The following USP54 variants were observed in gnomAD, a reference collection of about 807,000 sequenced individuals.
USP54 encodes ubiquitin specific peptidase 54, also known as ubiquitin carboxyl-terminal hydrolase 54.
In USP54, 87 loss-of-function variants were observed where a neutral mutation model predicts 170.5. The ratio of observed to expected loss-of-function variants is 0.51; its 90% CI spans 0.43 to 0.61. The LOEUF is 0.61. Among genes scored for constraint, USP54 ranks in the 20% least tolerant of loss-of-function variants. The pLI, the probability that USP54 is intolerant of heterozygous loss-of-function variation, is 0.00. For missense variants in USP54, 1,786 were observed against 2,047.8 expected (o/e 0.87, Z 2.47); for synonymous variants, 655 against 742.8 (o/e 0.88, Z 1.92).
chr10:73,589,843 G>A (rs184596326), intron 1 of USP54, among the ~76,000 whole-genome samples: 1 of 152,256 alleles, frequency 6.6e-6, no homozygotes, highest in Non-Finnish European at 1.5e-5. Flanking sequence ...GATTTCCTCT[G>A]TAGGGGCAGG....
At chr10:73,607,292 T>A (rs1195996029) in intron 1 of USP54, among the ~76,000 whole-genome samples, 1 of 148,938 alleles carries the variant, frequency 6.7e-6, no homozygotes, top group East Asian at 2.0e-4. Context: ...GAGACCTGGT[T>A]TCCACAAAAT....
At chr10:73,530,630 C>A (rs2133399720) in intron 13 of USP54, 74 bp downstream of exon 13, 2 of 1,587,292 alleles carry the variant, frequency 1.3e-6, no homozygotes, top group Non-Finnish European at 1.7e-6. Flanking sequence ...AAAGGAGAAG[C>A]CAACAGTCTG....
Position 73,517,303 on chromosome 10 carries a change from T to A in USP54, c.3123A>T (p.Gly1041=), listed in dbSNP as rs752684234. The A allele has an allele frequency of 1.9e-6, 3 of 1,612,994 alleles. No homozygotes were observed. Among genetic ancestry groups the A allele is most frequent in the Non-Finnish European group, 2.5e-6 (3 of 1,179,432 alleles). Residue 1041 remains glycine (G), a synonymous_variant, in exon 20 of 24, where the codon GGA becomes GGT. Coordinates refer to ENST00000687698, the MANE Select transcript of USP54 (RefSeq NM_001391956.1). ...CATCACCCCTCTCAGAGGTGGCTAT[T>A]CCAGGCATCACCGGGGAGGGGTTAG... ...DPANPSPVMP[G]IATSERGDEH...
intron 1 of USP54, among the ~76,000 whole-genome samples, chr10:73,616,286 C>A (rs112914690): frequency 7.6e-6 from 1 of 131,702 alleles, no homozygotes; most frequent in Admixed American, 8.6e-5. Context: ...TGCAGTGAGC[C>A]GAGATTGCGC....
rs1469612970 is a variant in USP54, at chr10:73,516,435, G to T, written c.3991C>A (p.Gln1331Lys). Reference sequence around the variant, plus strand: ...TGCCCCCATCCAGAACAGCCAGCTTGAGAAGCCTGAAGACTGGCCTGATAC... The same window carrying T: ...TGCCCCCATCCAGAACAGCCAGCTTTAGAAGCCTGAAGACTGGCCTGATAC... ...SLYQASLQAS[Q>K]AGCSGWGQQD... Residue 1331 changes from glutamine to lysine, a missense_variant, in exon 20 of 24, where the codon CAA becomes AAA. Transcript: ENST00000687698. 6.2e-7 allele frequency: 1 copy of T among 1,613,962 alleles called. No individual in the cohort carries two copies. The highest frequency in any genetic ancestry group is 1.7e-5 in the Admixed American group (1 of 59,994).
In USP54 at chr10:73,579,912, C is replaced by T. The variant is rs753886880; in HGVS notation, c.-581-3551G>A. On this transcript the variant is annotated intron_variant, in intron 1 of 23. Coordinates refer to ENST00000687698, the MANE Select transcript of USP54 (RefSeq NM_001391956.1). ...GCCATGAGGGAAATGGAAATTAAAA[C>T]TACACTATACACCTATTAGAATAGT... Among the ~76,000 whole-genome samples the T allele has an allele frequency of 7.1e-4, 108 of 152,236 alleles. 2 individuals are homozygous for T. Among genetic ancestry groups the T allele is most frequent in the Admixed American group, 1.0e-3 (16 of 15,276 alleles).
chr10:73,519,337 C>G (rs1589962317), intron 19 of USP54: 1 of 176,548 alleles, frequency 5.7e-6, no homozygotes, highest in East Asian at 1.4e-4. Flanking sequence ...CATAAAGAAG[C>G]AAAGCAAAGG....
At position 73,620,312 on chromosome 10, in the gene USP54, C is replaced by CA. The variant is rs757270815; in HGVS notation, c.-18+5254dup. Among the ~76,000 whole-genome samples, 236 of 118,030 alleles carry CA rather than the reference C, an allele frequency of 2.0e-3. 9 individuals carry two copies. The highest frequency in any genetic ancestry group is 4.0e-3 in the Middle Eastern group (1 of 248). The allele number at this position is 118,030 out of a possible 152,430, so 77.4% of individuals were successfully genotyped here. A position where few individuals can be genotyped will look rare whatever the true frequency, so the allele number is the denominator to read the frequency against. On this transcript the variant is annotated intron_variant, in intron 1 of 22. Transcript: ENST00000339859. ...TGGGCGACAGAGCGAGACTCCATCT[C>CA]AAAAAAAAAAAAGAAAGAAAGAAAA...
chr10:73,514,118 AT>A (rs1245498969), intron 20 of USP54, among the ~76,000 whole-genome samples: 3 of 151,906 alleles, frequency 2.0e-5, no homozygotes, highest in Admixed American at 2.0e-4. Context: ...TGCCCAGCTA[AT>A]TTTTTTGTGT....
intron 1 of USP54, among the ~76,000 whole-genome samples, chr10:73,590,795 C>T (rs2078156623): frequency 6.6e-6 from 1 of 152,080 alleles, no homozygotes; most frequent in African/African-American, 2.4e-5. Context: ...CACTATTCTG[C>T]TGATAGGAAA....
Position 73,558,931 on chromosome 10 carries a change from A to T in USP54, c.240+12490T>A, listed in dbSNP as rs1042956077. Among the ~76,000 whole-genome samples, 54 of 152,176 alleles carry T rather than the reference A, an allele frequency of 3.5e-4. 1 individual carries two copies. Among genetic ancestry groups the T allele is most frequent in the East Asian group, 1.9e-4 (1 of 5,186 alleles). On this transcript the variant is annotated intron_variant, in intron 4 of 23. Coordinates refer to ENST00000687698, the MANE Select transcript of USP54 (RefSeq NM_001391956.1). ...GCATTTGTGACATAACTTTTTCTTAATTTTTTTGATATTTCTAGGCTACAT... is the reference window on the plus strand; with the variant it reads ...GCATTTGTGACATAACTTTTTCTTATTTTTTTTGATATTTCTAGGCTACAT...
rs549629104 is a variant in USP54 at position 73,548,479 on chromosome 10, C to T, written c.241-2807G>A. The stretch of plus-strand genomic sequence containing the variant: ...ACAATAGCAAAGACTTGGAACCAAA[C>T]CAAATGTCCATCAATGACAGACTGG... On this transcript the variant is annotated intron_variant, in intron 4 of 23. Coordinates refer to ENST00000687698, the MANE Select transcript of USP54 (RefSeq NM_001391956.1). Among the ~76,000 whole-genome samples the T allele has an allele frequency of 3.3e-5, 5 of 152,238 alleles. No homozygotes were observed. The East Asian group carries it at 9.6e-4, about 29-fold the overall frequency.
chr10:73,517,670 G>A lies in USP54; in HGVS notation c.2756C>T (p.Ala919Val), dbSNP rs2061263937. ...LESGMDTEFG[A>V]SSFFHSPASC... ...AGCAGGTGAATGGAAGAAAGAACTGGCCCCAAACTCTGTATCCATGCCGGA... is the reference window on the plus strand; with the variant it reads ...AGCAGGTGAATGGAAGAAAGAACTGACCCCAAACTCTGTATCCATGCCGGA... The change falls in exon 20 of 24, where the codon GCC (alanine) becomes GTC (valine). Residue 919 changes from alanine (A) to valine (V), a missense_variant. Ala to Val is a moderately conservative substitution (Grantham distance 64). Coordinates refer to ENST00000687698, the MANE Select transcript of USP54 (RefSeq NM_001391956.1). 6.2e-7 allele frequency: 1 copy of A among 1,614,168 alleles called. No individual in the cohort carries two copies. Among genetic ancestry groups the A allele is most frequent in the Non-Finnish European group, 8.5e-7 (1 of 1,180,034 alleles).
chr10:73,510,856 A>G (rs2060088983), intron 20 of USP54, among the ~76,000 whole-genome samples: 1 of 152,166 alleles, frequency 6.6e-6, no homozygotes, highest in South Asian at 2.1e-4. Flanking sequence ...TCAAAGTACA[A>G]TGAAATTCAG....
Position 73,575,831 on chromosome 10 carries a change from A to G in USP54, c.-51T>C. 1.5e-6 allele frequency: 1 copy of G among 684,750 alleles called. No individual in the cohort carries two copies. The highest frequency in any genetic ancestry group is 2.3e-6 in the Non-Finnish European group (1 of 444,166). The allele number at this position is 684,750 out of a possible 1,614,324, so 42.4% of individuals were successfully genotyped here. A position where few individuals can be genotyped will look rare whatever the true frequency, so the allele number is the denominator to read the frequency against. On this transcript the variant is annotated 5_prime_UTR_variant, in exon 2 of 24. Transcript: ENST00000687698. ...TATCATCTGTGTAGTCAAGGGACTC[A>G]GGTATCCTCCTAGATCAAGATGACA...
At chr10:73,528,125 G>A (rs1233647031) in intron 15 of USP54, among the ~76,000 whole-genome samples, 3 of 152,006 alleles carry the variant, frequency 2.0e-5, no homozygotes, top group Non-Finnish European at 2.9e-5. Flanking sequence ...TAGTAGAGAC[G>A]GGGTTTCACC....
chr10:73,562,021 A>T (rs957756504), intron 4 of USP54, among the ~76,000 whole-genome samples: 18 of 152,036 alleles, frequency 1.2e-4, no homozygotes, highest in African/African-American at 4.1e-4. Context: ...GAATTGTTTG[A>T]ACCTAGGAGG....
intron 1 of USP54, among the ~76,000 whole-genome samples, chr10:73,619,281 G>A (rs984434702): frequency 4.0e-5 from 6 of 150,148 alleles, no homozygotes; most frequent in Non-Finnish European, 7.4e-5. Flanking sequence ...AGCCTGGAGC[G>A]CAGTAGTGGA....
At position 73,539,446 on chromosome 10, in the gene USP54, C is replaced by G; in HGVS notation, c.973G>C (p.Glu325Gln). The G allele has an allele frequency of 1.2e-6, 2 of 1,609,464 alleles. No individual in the cohort carries two copies. The highest frequency in any genetic ancestry group is 1.7e-6 in the Non-Finnish European group (2 of 1,177,230). The change falls in exon 10 of 24, where the codon GAG (glutamate) becomes CAG (glutamine). Residue 325 changes from glutamate to glutamine, a missense_variant and splice_region_variant. Physicochemically the swap from Glu to Gln is conservative, Grantham distance 29. Transcript: ENST00000687698. ...AAAAAGGACTTGACTACTCCTACCT[C>G]CTTGACATGAGCATCATCAAAATAC... ...WMYFDDAHVK[E>Q]IGPKWKDVVT... is the part of the protein sequence containing the mutation.
Sources: allele counts gnomAD v4.1 joint callset (sites outside exome capture counted in the v4.1 genomes callset), GRCh38; gene constraint gnomAD v4.1.1; transcripts MANE v1.5; gene names NCBI Gene and HGNC (gene_info 2026-07-23, HGNC 2026-07-21).